GGACT: variants seen among roughly 807,000 people sequenced by gnomAD.
GGACT encodes the protein gamma-glutamylamine cyclotransferase.
For missense variants in GGACT, 241 were observed against 233.2 expected, an observed-to-expected ratio of 1.03 and a Z score of -0.22; for synonymous variants, 118 against 115.3, an observed-to-expected ratio of 1.02 and a Z score of -0.15.
rs568771745 is a variant in GGACT at position 100,581,999 on chromosome 13, T to C, written c.-11+1826A>G. Among the ~76,000 whole-genome samples the C allele has an allele frequency of 6.6e-5, 10 of 152,264 alleles. No homozygotes were observed. In the South Asian group the frequency reaches 8.3e-4, roughly 13 times the overall value. On this transcript the variant is annotated intron_variant, in intron 2 of 2. Transcript: ENST00000683975. ...AGTTCTATGACATTAAGCAAAAACG[T>C]TGTAGTCCAGAAAAAGACTTGGATG...
rs1379966128 is a variant in GGACT at position 100,531,589 on chromosome 13, A to AATC, written c.*538_*540dup. 2.0e-5 allele frequency: 3 copies of AATC among 152,468 alleles called. No homozygotes were observed. Among genetic ancestry groups the AATC allele is most frequent in the Admixed American group, 6.5e-5 (1 of 15,286 alleles). The allele number at this position is 152,468 out of a possible 1,614,324, so 9.4% of individuals were successfully genotyped here. A position where few individuals can be genotyped will look rare whatever the true frequency, so the allele number is the denominator to read the frequency against. On this transcript the variant is annotated 3_prime_UTR_variant, in exon 3 of 3. Transcript: ENST00000683975. ...CAAAACATCGACTTCAAATTTAAAT[A>AATC]ATCTTTAATATTTGCTGTGAAGCTT...
At chr13:100,573,425 G>C (rs898532401) in intron 2 of GGACT, among the ~76,000 whole-genome samples, 2 of 152,126 alleles carry the variant, frequency 1.3e-5, no homozygotes, top group Non-Finnish European at 2.9e-5. Flanking sequence ...ACAAAGACTT[G>C]AGTCCAATGG....
intron 2 of GGACT, among the ~76,000 whole-genome samples, chr13:100,543,198 T>TTTTTC: frequency 1.9e-5 from 1 of 53,206 alleles, no homozygotes; most frequent in African/African-American, 1.1e-4. Flanking sequence ...AGACACCAGC[T>TTTTTC]TTTTTTTTTT....
intron 2 of GGACT, among the ~76,000 whole-genome samples, chr13:100,562,364 G>A (rs1377755823): frequency 6.6e-6 from 1 of 152,040 alleles, no homozygotes; most frequent in African/African-American, 2.4e-5. Flanking sequence ...CTTCAAACCT[G>A]GCACCAGCAA....
intron 2 of GGACT, among the ~76,000 whole-genome samples, chr13:100,543,050 G>C (rs1434661876): frequency 2.0e-5 from 3 of 152,140 alleles, no homozygotes. Flanking sequence ...AAGAGTTTAT[G>C]ATGATAGTTT....
chr13:100,539,397 C>G (rs837302), intron 2 of GGACT: 86,538 of 153,026 alleles, frequency 0.57, 24,911 homozygotes, highest in East Asian at 0.81. Flanking sequence ...CCTTTGTTGA[C>G]TGTTTTTAAA....
At chr13:100,551,827 T>C (rs2088667425) in intron 2 of GGACT, among the ~76,000 whole-genome samples, 1 of 152,230 alleles carries the variant, frequency 6.6e-6, no homozygotes, top group African/African-American at 2.4e-5. Context: ...GGAATTTCTC[T>C]CCCTTCCCTT....
At chr13:100,582,262 G>A (rs779576702) in intron 2 of GGACT, among the ~76,000 whole-genome samples, 2 of 152,118 alleles carry the variant, frequency 1.3e-5, no homozygotes, top group Non-Finnish European at 2.9e-5. Flanking sequence ...TTACTGTTGG[G>A]AGGAACTTCA....
intron 1 of GGACT, among the ~76,000 whole-genome samples, chr13:100,585,822 C>CAAAAAA (rs550006144): frequency 0.037 from 1,099 of 29,638 alleles, 226 homozygotes; most frequent in Non-Finnish European, 0.069. Flanking sequence ...CTGTCTCCAC[C>CAAAAAA]AAAAAAAAAA....
intron 2 of GGACT, among the ~76,000 whole-genome samples, chr13:100,568,855 T>C (rs762129950): frequency 1.8e-4 from 28 of 152,346 alleles, no homozygotes; most frequent in Non-Finnish European, 3.7e-4. Context: ...AATAAACCCA[T>C]TCCAAATGGG....
rs1048926133 is a variant in GGACT at position 100,534,490 on chromosome 13, T to C, written c.-10-1889A>G. 4.6e-5 allele frequency among the ~76,000 whole-genome samples: 7 copies of C among 151,600 alleles called. No individual in the cohort carries two copies. Among genetic ancestry groups the C allele is most frequent in the East Asian group, 1.9e-4 (1 of 5,142 alleles). On this transcript the variant is annotated intron_variant, in intron 2 of 2. Transcript: ENST00000683975. The surrounding 1 kb of genome is among the most constrained non-coding windows in gnomAD (Gnocchi z 4.9). ...TCGGCTGCTGGGGTGTACGTGAAAATGACAAAAGGCACCAGCTGAGAGCAG... is the reference window on the plus strand; with the variant it reads ...TCGGCTGCTGGGGTGTACGTGAAAACGACAAAAGGCACCAGCTGAGAGCAG...
chr13:100,572,627 T>A (rs1381212279), intron 2 of GGACT, among the ~76,000 whole-genome samples: 1 of 152,148 alleles, frequency 6.6e-6, no homozygotes, highest in Non-Finnish European at 1.5e-5. Context: ...TATTCACAGG[T>A]GTGATCATAG....
At chr13:100,550,417 T>TACGCAC (rs1488183781) in intron 2 of GGACT, among the ~76,000 whole-genome samples, 1 of 72,514 alleles carries the variant, frequency 1.4e-5, no homozygotes, top group African/African-American at 8.2e-5. Flanking sequence ...GATTATACTC[T>TACGCAC]ACACACACAC....
At chr13:100,548,366 G>A (rs188262160) in intron 2 of GGACT, among the ~76,000 whole-genome samples, 22 of 152,306 alleles carry the variant, frequency 1.4e-4, no homozygotes, top group Admixed American at 1.1e-3. Context: ...GCCTTCTTAA[G>A]TGAGAAATAG....
At position 100,588,778 on chromosome 13, in the gene GGACT, G is replaced by A. The variant is rs1197336275; in HGVS notation, c.-221C>T. On this transcript the variant is annotated 5_prime_UTR_variant, in exon 1 of 3. Coordinates refer to ENST00000683975, the MANE Select transcript of GGACT (RefSeq NM_001195087.2). ...GGGGCTGTCGGGGAGGGCAGGGCCAGGGCGGAAATGCAGGGCCGGGCCCGC... is the reference window on the plus strand; with the variant it reads ...GGGGCTGTCGGGGAGGGCAGGGCCAAGGCGGAAATGCAGGGCCGGGCCCGC... 1.3e-5 allele frequency: 2 copies of A among 152,002 alleles called. No individual in the cohort carries two copies. Among genetic ancestry groups the A allele is most frequent in the East Asian group, 3.9e-4 (2 of 5,158 alleles). 9.4% of individuals were successfully genotyped at this position (152,002 alleles called of 1,614,324 possible). A position where few individuals can be genotyped will look rare whatever the true frequency, so the allele number is the denominator to read the frequency against.
chr13:100,534,503 C>T lies in GGACT; in HGVS notation c.-10-1902G>A, dbSNP rs551685568. ...TGTACGTGAAAATGACAAAAGGCAC[C>T]AGCTGAGAGCAGCGCTGGTGTCTGG... is the stretch of plus-strand genomic sequence containing the variant. On this transcript the variant is annotated intron_variant, in intron 2 of 2. Transcript: ENST00000683975. The surrounding 1 kb of genome is among the most constrained non-coding windows in gnomAD (Gnocchi z 4.9). 1.3e-5 allele frequency among the ~76,000 whole-genome samples: 2 copies of T among 152,174 alleles called. No homozygotes were observed. Among genetic ancestry groups the T allele is most frequent in the South Asian group, 4.1e-4 (2 of 4,828 alleles).
At chr13:100,562,318 A>T (rs2088770195) in intron 2 of GGACT, among the ~76,000 whole-genome samples, 1 of 152,198 alleles carries the variant, frequency 6.6e-6, no homozygotes, top group Non-Finnish European at 1.5e-5. Flanking sequence ...AGTTTTGCAC[A>T]GAAAAAAAAA....
chr13:100,535,570 C>T (rs984326306), intron 2 of GGACT, among the ~76,000 whole-genome samples: 2 of 152,280 alleles, frequency 1.3e-5, no homozygotes, highest in Admixed American at 6.5e-5. Flanking sequence ...TGACATGTAG[C>T]GTGTGCCGCT....
intron 2 of GGACT, among the ~76,000 whole-genome samples, chr13:100,569,173 C>T (rs892093769): frequency 2.0e-5 from 3 of 152,262 alleles, no homozygotes; most frequent in African/African-American, 4.8e-5. Context: ...TCCCACAGCT[C>T]TACTAGGCAG....
Sources: allele counts gnomAD v4.1 joint callset (sites outside exome capture counted in the v4.1 genomes callset), GRCh38; gene constraint gnomAD v4.1.1; non-coding constraint Gnocchi (gnomAD v3.1); transcripts MANE v1.5; gene names NCBI Gene and HGNC (gene_info 2026-07-23, HGNC 2026-07-21).